The following NRXN3 variants were observed in gnomAD, a reference collection of about 807,000 sequenced individuals.
NRXN3 encodes neurexin 3, also known as neurexin III.
Under a neutral mutation model 137.6 loss-of-function variants are expected in NRXN3, and 32 were observed. The observed-to-expected ratio is 0.23, with a 90% confidence interval of 0.18 to 0.31. The LOEUF (loss-of-function observed/expected upper bound fraction) is 0.31, where lower values mean the gene tolerates loss of function less well. Among genes scored for constraint, NRXN3 ranks in the 10% least tolerant of loss-of-function variants. The pLI is 1.00. For missense variants in NRXN3, 1,574 were observed against 2,062.5 expected (o/e 0.76, Z 4.59); for synonymous variants, 798 against 784.5 (o/e 1.02, Z -0.29).
intron 15 of NRXN3, among the ~76,000 whole-genome samples, chr14:79,411,746 T>C (rs990939772): frequency 6.6e-6 from 1 of 152,206 alleles, no homozygotes; most frequent in Non-Finnish European, 1.5e-5. Flanking sequence ...TTTATTGACA[T>C]ATTTATTCAA....
intron 10 of NRXN3, among the ~76,000 whole-genome samples, chr14:78,855,261 T>C (rs1326472384): frequency 6.6e-6 from 1 of 152,210 alleles, no homozygotes; most frequent in Non-Finnish European, 1.5e-5. Flanking sequence ...TATGTTTTTC[T>C]ACCAGAAGAT....
chr14:78,304,458 C>T (rs1316865233), intron 4 of NRXN3, among the ~76,000 whole-genome samples: 3 of 152,138 alleles, frequency 2.0e-5, no homozygotes, highest in Non-Finnish European at 2.9e-5. Context: ...TTGAGGAGGC[C>T]GTTGGGCAGG....
At chr14:78,608,679 A>G (rs2097273111) in intron 4 of NRXN3, among the ~76,000 whole-genome samples, 1 of 152,178 alleles carries the variant, frequency 6.6e-6, no homozygotes, top group African/African-American at 2.4e-5. Flanking sequence ...AATCTACTCA[A>G]TAACCATTTA....
At chr14:78,870,635 C>T (rs2099099033) in intron 10 of NRXN3, among the ~76,000 whole-genome samples, 2 of 152,032 alleles carry the variant, frequency 1.3e-5, no homozygotes, top group African/African-American at 4.8e-5. Context: ...TTCCTTCTAT[C>T]TAACTGTGTT....
At chr14:79,688,921 A>G (rs975363213) in intron 17 of NRXN3, among the ~76,000 whole-genome samples, 1 of 152,140 alleles carries the variant, frequency 6.6e-6, no homozygotes, top group African/African-American at 2.4e-5. Context: ...ATAAAATGTG[A>G]CTAATATGTT....
At chr14:78,334,402 C>T (rs1184659576) in intron 4 of NRXN3, among the ~76,000 whole-genome samples, 2 of 152,108 alleles carry the variant, frequency 1.3e-5, no homozygotes, top group Non-Finnish European at 2.9e-5. Flanking sequence ...AGCTTCTAGC[C>T]ATAGGTCCCT....
chr14:78,450,977 G>GCTACCACTTCTT (rs201434835), intron 4 of NRXN3, among the ~76,000 whole-genome samples: 1,791 of 152,084 alleles, frequency 0.012, 37 homozygotes, highest in African/African-American at 0.041. Context: ...TGCTCACCTT[G>GCTACCACTTCTT]CTACCACTTC....
chr14:79,631,626 T>G (rs1481174386), intron 16 of NRXN3, among the ~76,000 whole-genome samples: 2 of 152,178 alleles, frequency 1.3e-5, no homozygotes, highest in Non-Finnish European at 1.5e-5. Context: ...CGCCAGTGAG[T>G]GCCACTGAGA....
intron 4 of NRXN3, among the ~76,000 whole-genome samples, chr14:78,431,470 T>C (rs775847434): frequency 2.0e-5 from 3 of 152,190 alleles, no homozygotes; most frequent in African/African-American, 7.2e-5. Context: ...GAAGGTTCTG[T>C]TGATGATTTG....
chr14:79,745,466 G>A (rs902716386), intron 19 of NRXN3, among the ~76,000 whole-genome samples: 4 of 152,012 alleles, frequency 2.6e-5, no homozygotes, highest in Non-Finnish European at 4.4e-5. Context: ...AAGAAGTATC[G>A]TGGCTATATT....
intron 19 of NRXN3, among the ~76,000 whole-genome samples, chr14:79,748,339 T>A (rs2098986014): frequency 1.3e-5 from 2 of 152,138 alleles, no homozygotes; most frequent in African/African-American, 4.8e-5. Context: ...CTGTTTTTCT[T>A]AATAAACATA....
At chr14:79,042,587 A>G (rs1024628844) in intron 15 of NRXN3, among the ~76,000 whole-genome samples, 1 of 152,238 alleles carries the variant, frequency 6.6e-6, no homozygotes, top group Admixed American at 6.5e-5. Flanking sequence ...TTTTATAGAC[A>G]TTAATATGTG....
chr14:79,565,239 A>ATGTGTGTGTATATATACATATG (rs1567519368), intron 16 of NRXN3, among the ~76,000 whole-genome samples: 3 of 109,758 alleles, frequency 2.7e-5, no homozygotes, highest in African/African-American at 1.1e-4. Context: ...ATATACATAT[A>ATGTGTGTGTATATATACATATG]TGTGTGTGTA....
At chr14:79,693,687 A>G (rs2154026665) in intron 18 of NRXN3, among the ~76,000 whole-genome samples, 1 of 151,364 alleles carries the variant, frequency 6.6e-6, no homozygotes, top group Non-Finnish European at 1.5e-5. Context: ...TAAAGTTATT[A>G]GTAGGCTTTT....
intron 19 of NRXN3, among the ~76,000 whole-genome samples, chr14:79,700,914 TA>T (rs2098752250): frequency 6.6e-6 from 1 of 152,116 alleles, no homozygotes; most frequent in Non-Finnish European, 1.5e-5. Flanking sequence ...TATTGAATTT[TA>T]AAAAATTTAA....
intron 4 of NRXN3, among the ~76,000 whole-genome samples, chr14:78,562,281 C>T (rs1023093672): frequency 7.3e-5 from 11 of 151,330 alleles, no homozygotes; most frequent in Non-Finnish European, 1.0e-4. Context: ...CCTGTAGTCC[C>T]GGCTACTCAG....
chr14:79,064,885 A>G (rs2099678901), intron 15 of NRXN3, among the ~76,000 whole-genome samples: 1 of 150,452 alleles, frequency 6.6e-6, no homozygotes, highest in African/African-American at 2.4e-5. Context: ...AAAATTTGGC[A>G]TACTTTCCTT....
chr14:79,026,098 A>G (rs1045083018), intron 15 of NRXN3, among the ~76,000 whole-genome samples: 2 of 152,160 alleles, frequency 1.3e-5, no homozygotes, highest in Non-Finnish European at 1.5e-5. Context: ...TTAAGCTTGT[A>G]TAGAGAAAGT....
chr14:79,031,604 C>A (rs138582443), intron 15 of NRXN3, among the ~76,000 whole-genome samples: 2 of 152,164 alleles, frequency 1.3e-5, no homozygotes, highest in East Asian at 1.9e-4. Context: ...AAGTGAGAAT[C>A]GTAATATACT....
Sources: gnomAD v4.1 joint callset for allele counts (sites outside exome capture counted in the v4.1 genomes callset) on GRCh38, gnomAD v4.1.1 for gene constraint, MANE v1.5 for transcripts, NCBI Gene and HGNC (gene_info 2026-07-23, HGNC 2026-07-21) for gene names.